The following STPG2 variants were observed in gnomAD, a reference collection of about 807,000 sequenced individuals.
The protein encoded by STPG2 is sperm-tail PG-rich repeat-containing protein 2.
STPG2 carries 56 observed loss-of-function variants against 54.2 expected under a neutral mutation model. The ratio of observed to expected loss-of-function variants is 1.03; its 90% CI spans 0.83 to 1.29. The LOEUF (loss-of-function observed/expected upper bound fraction) is 1.29. Ranked by LOEUF, STPG2 falls within the 50% of genes most tolerant of loss-of-function variation. The pLI is 0.00. For synonymous variants in STPG2, 200 were observed against 181.8 expected, an observed-to-expected ratio of 1.10 and a Z score of -0.81; for missense variants, 596 against 544.9, an observed-to-expected ratio of 1.09 and a Z score of -0.93.
In STPG2 at chr4:97,841,773, T is replaced by C. The variant is rs143919909; in HGVS notation, c.1045-841A>G. Among the ~76,000 whole-genome samples, 12 of 151,898 alleles carry C rather than the reference T, an allele frequency of 7.9e-5. No homozygotes were observed. The East Asian group carries it at 2.3e-3, about 29-fold the overall frequency. ...AGCTATGTGACCTTAAGCAAGCCACTTACCCTCTGTGTTCCTGAGTTTTTG... is the reference window on the plus strand; with the variant it reads ...AGCTATGTGACCTTAAGCAAGCCACCTACCCTCTGTGTTCCTGAGTTTTTG... On this transcript the variant is annotated intron_variant, in intron 8 of 10. Transcript: ENST00000295268.
At chr4:98,137,630 G>A (rs969110249) in intron 1 of STPG2, among the ~76,000 whole-genome samples, 1 of 151,720 alleles carries the variant, frequency 6.6e-6, no homozygotes, top group Non-Finnish European at 1.5e-5. Context: ...GTGAAACCCA[G>A]GCTACTTCTG....
intron 5 of STPG2, among the ~76,000 whole-genome samples, chr4:98,019,099 G>T (rs747996625): frequency 2.0e-4 from 30 of 152,138 alleles, no homozygotes; most frequent in South Asian, 1.0e-3. Context: ...TGCCCATGCC[G>T]ATGTCCTGAA....
At chr4:97,703,730 T>C (rs1267671961) in intron 10 of STPG2, among the ~76,000 whole-genome samples, 1 of 116,190 alleles carries the variant, frequency 8.6e-6, no homozygotes, top group Non-Finnish European at 1.9e-5. Context: ...ATTTAGTATA[T>C]ATAATATATT....
chr4:97,712,356 TA>T (rs1481203488), intron 10 of STPG2, among the ~76,000 whole-genome samples: 1 of 152,146 alleles, frequency 6.6e-6, no homozygotes. Flanking sequence ...AGCTCTCTGA[TA>T]AATAATTATT....
intron 8 of STPG2, among the ~76,000 whole-genome samples, chr4:97,899,080 C>T (rs1009179597): frequency 2.0e-5 from 3 of 151,802 alleles, no homozygotes; most frequent in Non-Finnish European, 2.9e-5. Flanking sequence ...ACCCCATAAT[C>T]TCAGCCCAAA....
intron 10 of STPG2, among the ~76,000 whole-genome samples, chr4:97,637,950 A>G (rs1721615446): frequency 6.6e-6 from 1 of 152,032 alleles, no homozygotes; most frequent in African/African-American, 2.4e-5. Context: ...TGCCATCCCC[A>G]TCAAGCTACC....
chr4:97,942,346 G>A (rs766007175), intron 8 of STPG2, among the ~76,000 whole-genome samples: 11 of 151,830 alleles, frequency 7.2e-5, no homozygotes, highest in Non-Finnish European at 1.6e-4. Context: ...GGATCCTGAG[G>A]TGTGTACAAC....
chr4:97,972,477 A>C, intron 6 of STPG2, 37 bp from the exon 7 acceptor site: 1 of 1,206,412 alleles, frequency 8.3e-7, no homozygotes, highest in Non-Finnish European at 1.1e-6. Context: ...AAGAATAAGC[A>C]TGCTTTTATA....
chr4:98,064,819 T>A (rs892628047), intron 5 of STPG2, among the ~76,000 whole-genome samples: 3 of 152,058 alleles, frequency 2.0e-5, no homozygotes, highest in African/African-American at 7.3e-5. Context: ...ATTCAACACA[T>A]GATGACCTTA....
At chr4:98,136,186 C>T (rs1400906329) in intron 1 of STPG2, among the ~76,000 whole-genome samples, 1 of 151,412 alleles carries the variant, frequency 6.6e-6, no homozygotes, top group Non-Finnish European at 1.5e-5. Context: ...ACAAAAAATA[C>T]ACTAGATGAA....
intron 4 of STPG2, among the ~76,000 whole-genome samples, chr4:97,540,591 T>C (rs532016591): frequency 4.6e-5 from 7 of 152,112 alleles, no homozygotes; most frequent in South Asian, 4.1e-4. Flanking sequence ...TTCCAATCAA[T>C]AGAAAAAGAG....
chr4:97,864,126 G>T (rs1729670044), intron 8 of STPG2, among the ~76,000 whole-genome samples: 1 of 151,998 alleles, frequency 6.6e-6, no homozygotes, highest in Non-Finnish European at 1.5e-5. Context: ...AGAAATAAAG[G>T]GTATTCAATT....
At chr4:97,941,337 C>T (rs1476205755) in intron 8 of STPG2, among the ~76,000 whole-genome samples, 1 of 152,018 alleles carries the variant, frequency 6.6e-6, no homozygotes. Flanking sequence ...TGTTAAGCTC[C>T]TCAAATCAGT....
chr4:97,793,316 A>G (rs1041729404), intron 9 of STPG2, among the ~76,000 whole-genome samples: 1 of 151,762 alleles, frequency 6.6e-6, no homozygotes, highest in Non-Finnish European at 1.5e-5. Flanking sequence ...ATCTCTCAGA[A>G]TTTTAGCACC....
intron 7 of STPG2, among the ~76,000 whole-genome samples, chr4:97,970,488 C>G (rs542517969): frequency 9.0e-4 from 137 of 152,124 alleles, no homozygotes; most frequent in Non-Finnish European, 1.6e-3. Context: ...CAGAACAGAG[C>G]CCTCAGAAAT....
chr4:97,799,870 C>T lies in STPG2; in HGVS notation c.1204+40903G>A, dbSNP rs180781273. On this transcript the variant is annotated intron_variant, in intron 9 of 10. Coordinates refer to ENST00000295268, the MANE Select transcript of STPG2 (RefSeq NM_174952.3). ...CACATAGTCCCATATTTCTTGGAGG[C>T]TTTGTTCATTTCTTTTTACCCTTTT... Among the ~76,000 whole-genome samples the T allele has an allele frequency of 2.2e-3, 339 of 152,284 alleles. 3 individuals carry two copies. The highest frequency in any genetic ancestry group is 7.8e-3 in the African/African-American group (325 of 41,568).
intron 7 of STPG2, among the ~76,000 whole-genome samples, chr4:97,949,496 A>T (rs1733384180): frequency 6.6e-6 from 1 of 152,032 alleles, no homozygotes; most frequent in African/African-American, 2.4e-5. Flanking sequence ...TTATTGTTTT[A>T]TAGGCCGTGT....
intron 10 of STPG2, among the ~76,000 whole-genome samples, chr4:97,687,306 T>A (rs1259919201): frequency 1.4e-5 from 2 of 142,736 alleles, no homozygotes; most frequent in Non-Finnish European, 3.0e-5. Context: ...TAAGTACAAG[T>A]GTATGCACTG....
chr4:97,722,053 C>T (rs1225246838), intron 9 of STPG2, among the ~76,000 whole-genome samples: 1 of 146,678 alleles, frequency 6.8e-6, no homozygotes, highest in East Asian at 1.9e-4. Flanking sequence ...ACAATGTCCC[C>T]CTCCCCTCCT....
Sources: gnomAD v4.1 joint callset for allele counts (sites outside exome capture counted in the v4.1 genomes callset) on GRCh38, gnomAD v4.1.1 for gene constraint, MANE v1.5 for transcripts, NCBI Gene and HGNC (gene_info 2026-07-23, HGNC 2026-07-21) for gene names.